IL1RAPL1: variants seen among roughly 807,000 people sequenced by gnomAD.
IL1RAPL1 encodes interleukin-1 receptor accessory protein-like 1.
In IL1RAPL1, 3 loss-of-function variants were observed where a neutral mutation model predicts 48.4. The ratio of observed to expected loss-of-function variants is 0.06; its 90% confidence interval spans 0.03 to 0.16. The LOEUF is 0.16. IL1RAPL1 is among the 10% of genes least tolerant of loss of function. The pLI is 1.00. For synonymous variants in IL1RAPL1, 185 were observed against 187.7 expected, an observed-to-expected ratio of 0.99 and a Z score of 0.12; for missense variants, 349 against 530.6, an observed-to-expected ratio of 0.66 and a Z score of 3.36.
At chrX:29,141,040 T>G (rs1929233511) in intron 2 of IL1RAPL1, among the ~76,000 whole-genome samples, 1 of 110,920 alleles carries the variant, frequency 9.0e-6, no homozygotes, top group African/African-American at 3.3e-5. Flanking sequence ...TTTAGAAACC[T>G]CATTGTACTC....
Position 28,677,171 on chromosome X carries a change from TAGAC to T in IL1RAPL1, c.-25+89127_-25+89130del, listed in dbSNP as rs1472754827. On this transcript the variant is annotated intron_variant, in intron 1 of 10. Coordinates refer to ENST00000378993, the MANE Select transcript of IL1RAPL1 (RefSeq NM_014271.4). ...CTTCATTACATCAGTTTTTCCAAAA[TAGAC>T]AGTTTTATTGACTTTTCTTTTTCTA... 9.2e-3 allele frequency among the ~76,000 whole-genome samples: 1,032 copies of T among 112,108 alleles called. 13 individuals carry two copies. The highest frequency in any genetic ancestry group is 0.032 in the African/African-American group (978 of 30,884).
chrX:29,622,519 T>G (rs1055279602), intron 5 of IL1RAPL1, among the ~76,000 whole-genome samples: 2 of 111,841 alleles, frequency 1.8e-5, no homozygotes, highest in Non-Finnish European at 3.8e-5. Flanking sequence ...ATGGTTTCAC[T>G]GGGTTCCTAA....
chrX:28,819,686 A>C (rs1936909049), intron 2 of IL1RAPL1, among the ~76,000 whole-genome samples: 1 of 109,264 alleles, frequency 9.2e-6, no homozygotes, highest in Non-Finnish European at 1.9e-5. Context: ...TCTGTGGAAA[A>C]TAATAAAATT....
intron 1 of IL1RAPL1, among the ~76,000 whole-genome samples, chrX:28,589,763 C>T (rs1933888054): frequency 8.9e-6 from 1 of 111,919 alleles, no homozygotes; most frequent in Non-Finnish European, 1.9e-5. Context: ...ATGATGATTG[C>T]TTCCACAGCG....
intron 1 of IL1RAPL1, among the ~76,000 whole-genome samples, chrX:28,743,771 A>G (rs1935939643): frequency 9.0e-6 from 1 of 110,904 alleles, no homozygotes; most frequent in South Asian, 3.7e-4. Context: ...GGCGTACAAC[A>G]TAATGTTTTG....
intron 6 of IL1RAPL1, among the ~76,000 whole-genome samples, chrX:29,789,688 G>A (rs1251429055): frequency 9.2e-6 from 1 of 109,074 alleles, no homozygotes; most frequent in Non-Finnish European, 1.9e-5. Flanking sequence ...TCTGATATCA[G>A]ATAAGTGATT....
intron 5 of IL1RAPL1, among the ~76,000 whole-genome samples, chrX:29,503,625 A>C (rs1243353873): frequency 9.0e-6 from 1 of 111,034 alleles, no homozygotes; most frequent in Non-Finnish European, 1.9e-5. Flanking sequence ...ATTCCAGAGC[A>C]TGTTGCTAAA....
intron 6 of IL1RAPL1, among the ~76,000 whole-genome samples, chrX:29,850,449 T>C (rs894538257): frequency 8.9e-6 from 1 of 112,248 alleles, no homozygotes; most frequent in African/African-American, 3.2e-5. Flanking sequence ...TGAGGCTTAA[T>C]TGGGACCTTA....
chrX:29,614,747 T>TA (rs1439269198), intron 5 of IL1RAPL1, among the ~76,000 whole-genome samples: 1 of 112,072 alleles, frequency 8.9e-6, no homozygotes, highest in Non-Finnish European at 1.9e-5. Context: ...GCCTATACAG[T>TA]AAAAAAGTTA....
intron 6 of IL1RAPL1, among the ~76,000 whole-genome samples, chrX:29,725,472 G>A (rs757053158): frequency 9.0e-6 from 1 of 111,411 alleles, no homozygotes; most frequent in Non-Finnish European, 1.9e-5. Flanking sequence ...CTTGTCAGCT[G>A]GTAGAACACA....
intron 1 of IL1RAPL1, among the ~76,000 whole-genome samples, chrX:28,592,044 G>C (rs1311939663): frequency 6.3e-5 from 7 of 111,205 alleles, no homozygotes; most frequent in African/African-American, 2.3e-4. Context: ...ATTACAGTTA[G>C]CTGTACATAA....
intron 2 of IL1RAPL1, among the ~76,000 whole-genome samples, chrX:29,226,735 A>G (rs1931089823): frequency 1.0e-5 from 1 of 97,799 alleles, no homozygotes; most frequent in Admixed American, 1.1e-4. Context: ...GTACTGGCTG[A>G]TTCGTCCATT....
chrX:29,462,376 CTT>C (rs1178411678), intron 5 of IL1RAPL1, among the ~76,000 whole-genome samples: 1 of 111,544 alleles, frequency 9.0e-6, no homozygotes, highest in Non-Finnish European at 1.9e-5. Flanking sequence ...TTCCTTCTCT[CTT>C]ATAAAAATTT....
chrX:29,461,460 A>G (rs1389134832), intron 5 of IL1RAPL1, among the ~76,000 whole-genome samples: 2 of 111,891 alleles, frequency 1.8e-5, no homozygotes, highest in Non-Finnish European at 3.8e-5. Flanking sequence ...ACAAAAATGT[A>G]CTGTGTATAT....
At chrX:29,333,395 C>A (rs1932913131) in intron 3 of IL1RAPL1, among the ~76,000 whole-genome samples, 1 of 99,915 alleles carries the variant, frequency 1.0e-5, no homozygotes, top group Non-Finnish European at 2.1e-5. Context: ...GGCGGCTGGC[C>A]GGGCGGGGGG....
At chrX:29,698,324 T>C (rs1316155439) in intron 6 of IL1RAPL1, among the ~76,000 whole-genome samples, 3 of 110,500 alleles carry the variant, frequency 2.7e-5, no homozygotes, top group Non-Finnish European at 5.7e-5. Flanking sequence ...CATACCTTCA[T>C]ATGGCAATTT....
At chrX:28,807,536 T>C (rs1936746178) in intron 2 of IL1RAPL1, among the ~76,000 whole-genome samples, 1 of 111,642 alleles carries the variant, frequency 9.0e-6, no homozygotes, top group African/African-American at 3.2e-5. Context: ...TGTGCAGTTA[T>C]TTTAATTTTT....
At chrX:29,160,782 G>C (rs1370222899) in intron 2 of IL1RAPL1, among the ~76,000 whole-genome samples, 1 of 112,383 alleles carries the variant, frequency 8.9e-6, no homozygotes, top group Non-Finnish European at 1.9e-5. Context: ...GGCCGGGTTG[G>C]GTGGCTCATG....
intron 2 of IL1RAPL1, among the ~76,000 whole-genome samples, chrX:28,822,021 T>C (rs1569180398): frequency 9.1e-6 from 1 of 110,416 alleles, no homozygotes; most frequent in Non-Finnish European, 1.9e-5. Context: ...TGCTTTCCCC[T>C]CCCACCATCC....
Sources: gnomAD v4.1 joint callset for allele counts (sites outside exome capture counted in the v4.1 genomes callset) on GRCh38, gnomAD v4.1.1 for gene constraint, MANE v1.5 for transcripts, NCBI Gene and HGNC (gene_info 2026-07-23, HGNC 2026-07-21) for gene names.